MAPK10: variants seen among roughly 807,000 people sequenced by gnomAD.
MAPK10 encodes the protein mitogen-activated protein kinase 10.
MAPK10 carries 25 observed loss-of-function variants against 59.3 expected under a neutral mutation model. That is an observed-to-expected ratio of 0.42 (90% confidence interval 0.31 to 0.59). The LOEUF (loss-of-function observed/expected upper bound fraction) is 0.59. Ranked by LOEUF, MAPK10 falls within the 20% of genes least tolerant of loss-of-function variation. The pLI is 0.15. For missense variants in MAPK10, 351 were observed against 568.9 expected (o/e 0.62, Z 3.90); for synonymous variants, 190 against 200.5 (o/e 0.95, Z 0.44).
chr4:86,541,173 A>G (rs796567697), intron 1 of MAPK10, among the ~76,000 whole-genome samples: 1 of 152,244 alleles, frequency 6.6e-6, no homozygotes, highest in East Asian at 1.9e-4. Flanking sequence ...ACAATGCGAC[A>G]GCTGGCTTAT....
At chr4:86,548,994 A>C (rs1182604540) in intron 1 of MAPK10, among the ~76,000 whole-genome samples, 1 of 152,220 alleles carries the variant, frequency 6.6e-6, no homozygotes, top group Non-Finnish European at 1.5e-5. Context: ...CAAAATGAAA[A>C]TATTACTGAT....
chr4:86,471,275 CAA>C (rs60423060), intron 1 of MAPK10, among the ~76,000 whole-genome samples: 3,105 of 96,830 alleles, frequency 0.032, 52 homozygotes, highest in African/African-American at 0.079. Flanking sequence ...TGCCCCCCTG[CAA>C]AAAAAAAAAA....
intron 4 of MAPK10, among the ~76,000 whole-genome samples, chr4:86,119,228 A>G (rs1339862297): frequency 6.6e-6 from 1 of 152,200 alleles, no homozygotes; most frequent in African/African-American, 2.4e-5. Context: ...AAAGTTTCAG[A>G]GATGCACAGT....
intron 8 of MAPK10, 34 bp downstream of exon 8, chr4:86,101,018 T>C (rs941401329): frequency 1.9e-6 from 3 of 1,601,040 alleles, no homozygotes; most frequent in Non-Finnish European, 2.6e-6. Flanking sequence ...GTTTCATTCA[T>C]GGTTTTGATG....
At chr4:86,397,864 CAA>C (rs759585442) in intron 1 of MAPK10, among the ~76,000 whole-genome samples, 567 of 51,730 alleles carry the variant, frequency 0.011, 1 homozygote, top group Middle Eastern at 0.05. Context: ...TCTGCTATGG[CAA>C]AAAAAAAAAA....
intron 9 of MAPK10, among the ~76,000 whole-genome samples, chr4:86,073,476 T>C (rs781447689): frequency 0.058 from 7,973 of 137,896 alleles, 147 homozygotes; most frequent in Middle Eastern, 0.1. Flanking sequence ...GTTCTTTTAA[T>C]TGTGATGTTA....
intron 1 of MAPK10, among the ~76,000 whole-genome samples, chr4:86,496,389 T>C (rs1754875727): frequency 6.6e-6 from 1 of 152,216 alleles, no homozygotes; most frequent in Admixed American, 6.5e-5. Flanking sequence ...ATATCAAACA[T>C]AGTTCTTATT....
intron 2 of MAPK10, among the ~76,000 whole-genome samples, chr4:86,348,843 C>T (rs1282835699): frequency 6.6e-6 from 1 of 152,112 alleles, no homozygotes; most frequent in African/African-American, 2.4e-5. Flanking sequence ...CTAGCGCTGC[C>T]ACCCTCCACC....
chr4:86,393,349 A>G (rs540101545), intron 1 of MAPK10, among the ~76,000 whole-genome samples: 4 of 146,460 alleles, frequency 2.7e-5, no homozygotes, highest in African/African-American at 1.0e-4. Context: ...TTTTTTTTTT[A>G]AGGAAAATAA....
At chr4:86,261,834 T>C (rs1282973861) in intron 2 of MAPK10, among the ~76,000 whole-genome samples, 1 of 152,220 alleles carries the variant, frequency 6.6e-6, no homozygotes, top group Non-Finnish European at 1.5e-5. Context: ...CATTCTTTCA[T>C]AGCAAAGAGA....
At chr4:86,439,384 TG>T (rs1438351929) in intron 1 of MAPK10, among the ~76,000 whole-genome samples, 1 of 152,200 alleles carries the variant, frequency 6.6e-6, no homozygotes, top group Non-Finnish European at 1.5e-5. Context: ...TCAGTATTAA[TG>T]CATTAGATAT....
At chr4:86,286,237 T>A (rs2095004174) in intron 2 of MAPK10, among the ~76,000 whole-genome samples, 1 of 152,226 alleles carries the variant, frequency 6.6e-6, no homozygotes, top group Non-Finnish European at 1.5e-5. Context: ...TATCACTGGA[T>A]AGCTTCTTAT....
intron 2 of MAPK10, among the ~76,000 whole-genome samples, chr4:86,348,783 C>T (rs530200391): frequency 4.6e-5 from 7 of 152,194 alleles, no homozygotes; most frequent in East Asian, 3.9e-4. Flanking sequence ...ATATGAAAGC[C>T]GTTAAATATT....
intron 2 of MAPK10, among the ~76,000 whole-genome samples, chr4:86,250,864 A>T (rs567099143): frequency 1.4e-4 from 22 of 152,320 alleles, no homozygotes; most frequent in Non-Finnish European, 1.6e-4. Context: ...GATTGACTCT[A>T]GGAGAAAACT....
At chr4:86,336,552 C>G (rs773070983) in intron 2 of MAPK10, 3 of 152,146 alleles carry the variant, frequency 2.0e-5, no homozygotes, top group Admixed American at 6.5e-5. Context: ...GAATACAAGC[C>G]TAGGACATCA....
At chr4:86,541,092 A>G (rs1578048972) in intron 1 of MAPK10, among the ~76,000 whole-genome samples, 1 of 152,114 alleles carries the variant, frequency 6.6e-6, no homozygotes, top group Non-Finnish European at 1.5e-5. Context: ...AGAGGCTCCT[A>G]CCCTACCAGC....
At position 86,191,836 on chromosome 4, in the gene MAPK10, C is replaced by T. The variant is rs192065703; in HGVS notation, c.66+2500G>A. 4.6e-5 allele frequency: 7 copies of T among 151,788 alleles called. No homozygotes were observed. The East Asian group carries it at 1.2e-3, about 25-fold the overall frequency. 9.4% of individuals were successfully genotyped at this position (151,788 alleles called of 1,614,324 possible). ...TTATGATGTCAGCTGGTTATTTTGC[C>T]CATTAGTTGATGCAGTTTCTTCATA... On this transcript the variant is annotated intron_variant, in intron 3 of 13. Coordinates refer to ENST00000641462, the MANE Select transcript of MAPK10 (RefSeq NM_138982.4).
At chr4:86,343,539 A>G (rs1726309478) in intron 2 of MAPK10, among the ~76,000 whole-genome samples, 1 of 152,214 alleles carries the variant, frequency 6.6e-6, no homozygotes, top group Admixed American at 6.5e-5. Flanking sequence ...TAAAAGAGAC[A>G]TTTATTCATT....
intron 9 of MAPK10, among the ~76,000 whole-genome samples, chr4:86,094,190 C>T (rs1259403254): frequency 2.2e-4 from 33 of 151,946 alleles, no homozygotes; most frequent in Admixed American, 2.2e-3. Context: ...TCCTAATGTT[C>T]ATATTCAAAC....
Sources: allele counts gnomAD v4.1 joint callset (sites outside exome capture counted in the v4.1 genomes callset), GRCh38; gene constraint gnomAD v4.1.1; transcripts MANE v1.5; gene names NCBI Gene and HGNC (gene_info 2026-07-23, HGNC 2026-07-21).